DYNAP: variants seen among roughly 807,000 people sequenced by gnomAD.
DYNAP encodes dynactin associated protein, also known as dynactin-associated protein.
In DYNAP, 7 loss-of-function variants were observed where a neutral mutation model predicts 8.5. That is an observed-to-expected ratio of 0.82 (90% CI 0.47 to 1.54). The LOEUF (loss-of-function observed/expected upper bound fraction) is 1.54. DYNAP is among the 40% of genes most tolerant of loss of function. The probability of loss-of-function intolerance (pLI) is 0.01; values close to 1 mark genes in which losing one functional copy is unlikely to be tolerated. For synonymous variants in DYNAP, 77 were observed against 77.9 expected (o/e 0.99, Z 0.06); for missense variants, 256 against 224.3 (o/e 1.14, Z -0.90).
intron 1 of DYNAP, among the ~76,000 whole-genome samples, chr18:54,592,171 A>AAGAAC (rs1911103135): frequency 6.6e-6 from 1 of 151,796 alleles, no homozygotes; most frequent in Admixed American, 6.6e-5. Flanking sequence ...GGTTCACCAA[A>AAGAAC]AGAACCAAGA....
chr18:54,576,589 A>G, the DYNAP span, among the ~76,000 whole-genome samples: 32 of 152,188 alleles, frequency 2.1e-4, no homozygotes, highest in Middle Eastern at 3.4e-3. Context: ...GCTTGAGCCC[A>G]GGAGTTCGAG....
upstream of DYNAP, among the ~76,000 whole-genome samples, chr18:54,587,564 AAAT>A (rs1253436810): frequency 2.6e-5 from 4 of 152,216 alleles, no homozygotes; most frequent in African/African-American, 9.6e-5. Flanking sequence ...TTGAACATAT[AAAT>A]AACCATGCTA....
At chr18:54,578,101 G>A in the DYNAP span, among the ~76,000 whole-genome samples, 1 of 152,210 alleles carries the variant, frequency 6.6e-6, no homozygotes, top group African/African-American at 2.4e-5. Flanking sequence ...TCCCTCAGAG[G>A]AGGTATCAGT....
rs1480633863 is a variant in DYNAP at position 54,595,075 on chromosome 18, G to T, written c.194G>T (p.Cys65Phe). Reference sequence around the variant, plus strand: ...CCAGGAATCCTTGCACATTCAAGATGTCTACAGTCAGAATCCTGTAACACA... The same window carrying T: ...CCAGGAATCCTTGCACATTCAAGATTTCTACAGTCAGAATCCTGTAACACA... The part of the protein sequence containing the change: ...VNPGILAHSR[C>F]LQSESCNTQV... The change falls in exon 2 of 3, where the codon TGT (cysteine) becomes TTT (phenylalanine). Residue 65 changes from cysteine (C) to phenylalanine (F), a missense_variant. Transcript: ENST00000648945. 6.2e-6 allele frequency: 10 copies of T among 1,612,250 alleles called. No individual in the cohort carries two copies. In the South Asian group the frequency reaches 8.8e-5, roughly 14 times the overall value.
the DYNAP span, among the ~76,000 whole-genome samples, chr18:54,578,243 A>T: frequency 6.6e-6 from 1 of 152,198 alleles, no homozygotes; most frequent in Non-Finnish European, 1.5e-5. Context: ...CAAGAGCAAG[A>T]AAGGAAATAT....
chr18:54,595,646 C>T (rs1039076854), intron 2 of DYNAP, among the ~76,000 whole-genome samples: 5 of 152,130 alleles, frequency 3.3e-5, no homozygotes, highest in African/African-American at 1.2e-4. Context: ...TCTCCACTAG[C>T]TTTGGAGACC....
At chr18:54,576,424 T>C in the DYNAP span, among the ~76,000 whole-genome samples, 1 of 152,306 alleles carries the variant, frequency 6.6e-6, no homozygotes, top group East Asian at 1.9e-4. Context: ...TCTTTTAATT[T>C]TCATCTGTCA....
chr18:54,592,143 A>C (rs1360056981), intron 1 of DYNAP, among the ~76,000 whole-genome samples: 3 of 152,106 alleles, frequency 2.0e-5, no homozygotes, highest in Non-Finnish European at 4.4e-5. Flanking sequence ...TAATACAAGA[A>C]TCCTATAGAG....
chr18:54,582,815 T>G (rs1415401994), upstream of DYNAP, among the ~76,000 whole-genome samples: 1 of 152,214 alleles, frequency 6.6e-6, no homozygotes, highest in African/African-American at 2.4e-5. Flanking sequence ...ACCACATTCA[T>G]TTTACTCTTA....
chr18:54,589,674 A>G (rs571710685), upstream of DYNAP, among the ~76,000 whole-genome samples: 2 of 152,178 alleles, frequency 1.3e-5, no homozygotes, highest in African/African-American at 4.8e-5. Flanking sequence ...TCTTTATGCC[A>G]TTGATGTAAT....
chr18:54,598,274 A>G lies in DYNAP; in HGVS notation c.*129A>G, dbSNP rs917959179. ...GGCTGCAGTCACTTTAACAGACTCTATAACCGTTACAACTTCAACAAAATC... is the reference window on the plus strand; with the variant it reads ...GGCTGCAGTCACTTTAACAGACTCTGTAACCGTTACAACTTCAACAAAATC... On this transcript the variant is annotated 3_prime_UTR_variant, in exon 3 of 3. Transcript: ENST00000648945. The G allele has an allele frequency of 4.1e-6, 4 of 967,162 alleles. No homozygotes were observed. Among genetic ancestry groups the G allele is most frequent in the Non-Finnish European group, 5.9e-6 (4 of 673,448 alleles). The allele number at this position is 967,162 out of a possible 1,614,324, so 59.9% of individuals were successfully genotyped here. A position where few individuals can be genotyped will look rare whatever the true frequency, so the allele number is the denominator to read the frequency against.
At chr18:54,583,581 A>G (rs1474232540), upstream of DYNAP, among the ~76,000 whole-genome samples, 1 of 152,236 alleles carries the variant, frequency 6.6e-6, no homozygotes, top group Non-Finnish European at 1.5e-5. Flanking sequence ...TTCATAGTTT[A>G]CTGAGCAAAA....
At chr18:54,582,285 C>CAA in the DYNAP span, among the ~76,000 whole-genome samples, 3 of 144,040 alleles carry the variant, frequency 2.1e-5, no homozygotes, top group Admixed American at 6.9e-5. Context: ...GACTCCATCT[C>CAA]AAAAAAAAAA....
chr18:54,588,367 G>A (rs1039302789), upstream of DYNAP, among the ~76,000 whole-genome samples: 7 of 151,828 alleles, frequency 4.6e-5, no homozygotes, highest in Admixed American at 6.6e-5. Context: ...CATCATGCCC[G>A]GCTAATTTTT....
upstream of DYNAP, among the ~76,000 whole-genome samples, chr18:54,587,447 A>G (rs1024502616): frequency 5.3e-5 from 8 of 152,164 alleles, no homozygotes; most frequent in African/African-American, 1.7e-4. Context: ...TGAGTTAAAT[A>G]TGTTTCATAA....
At chr18:54,590,926 C>T (rs1467336783), upstream of DYNAP, among the ~76,000 whole-genome samples, 2 of 152,130 alleles carry the variant, frequency 1.3e-5, no homozygotes, top group African/African-American at 4.8e-5. Context: ...TGATACATTT[C>T]TATCTCAGAA....
chr18:54,576,076 A>G, the DYNAP span, among the ~76,000 whole-genome samples: 1 of 152,256 alleles, frequency 6.6e-6, no homozygotes, highest in Non-Finnish European at 1.5e-5. Flanking sequence ...ATAATAGCTG[A>G]TTTTTAATTA....
At chr18:54,584,770 G>A (rs1599443368), upstream of DYNAP, among the ~76,000 whole-genome samples, 1 of 152,172 alleles carries the variant, frequency 6.6e-6, no homozygotes, top group South Asian at 2.1e-4. Flanking sequence ...CTGGGCAATA[G>A]GAATGTGGCT....
chr18:54,593,484 G>A (rs1271903132), intron 1 of DYNAP, among the ~76,000 whole-genome samples: 1 of 152,156 alleles, frequency 6.6e-6, no homozygotes, highest in African/African-American at 2.4e-5. Flanking sequence ...GATCATATGA[G>A]CAAATCTGTA....
Sources: allele counts gnomAD v4.1 joint callset (sites outside exome capture counted in the v4.1 genomes callset), GRCh38; gene constraint gnomAD v4.1.1; transcripts MANE v1.5; gene names NCBI Gene and HGNC (gene_info 2026-07-23, HGNC 2026-07-21).